STAG1: variants seen among roughly 807,000 people sequenced by gnomAD.
STAG1 encodes the protein STAG1 cohesin complex component, also known as cohesin subunit SA-1.
Under a neutral mutation model 170.9 loss-of-function variants are expected in STAG1, and 26 were observed. The observed-to-expected ratio is 0.15, with a 90% CI of 0.11 to 0.21. STAG1 has a LOEUF of 0.21. Ranked by LOEUF, STAG1 falls within the 10% of genes least tolerant of loss-of-function variation. STAG1 has a pLI of 1.00. For missense variants in STAG1, 964 were observed against 1,509.5 expected (o/e 0.64, Z 5.99); for synonymous variants, 514 against 497.7 (o/e 1.03, Z -0.44).
chr3:136,639,582 T>A (rs1940714024), intron 1 of STAG1, among the ~76,000 whole-genome samples: 1 of 152,198 alleles, frequency 6.6e-6, no homozygotes. Context: ...AAATGTCCTC[T>A]GGCTTAAGAA....
At chr3:136,572,777 A>G (rs1276916639) in intron 4 of STAG1, among the ~76,000 whole-genome samples, 2 of 152,166 alleles carry the variant, frequency 1.3e-5, no homozygotes, top group East Asian at 3.8e-4. Context: ...AATTATTTAT[A>G]TAATAAATGA....
chr3:136,491,707 T>A (rs1337435892), intron 9 of STAG1, among the ~76,000 whole-genome samples: 1 of 152,186 alleles, frequency 6.6e-6, no homozygotes, highest in Non-Finnish European at 1.5e-5. Context: ...AAATCCAATT[T>A]GTTGGCCGGG....
rs369393253 is a variant in STAG1, at chr3:136,629,360, C to CT, written c.29+1509dup. 2.1e-3 allele frequency among the ~76,000 whole-genome samples: 323 copies of CT among 151,960 alleles called. 6 individuals carry two copies. Among genetic ancestry groups the CT allele is most frequent in the Admixed American group, 0.014 (218 of 15,258 alleles). ...TGGAGGCATAAGACCTGAGCTAAGA[C>CT]TTAAATAGATAGTGGCTTGGCCAGG... is the stretch of plus-strand genomic sequence containing the variant. On this transcript the variant is annotated intron_variant, in intron 2 of 33. Coordinates refer to ENST00000383202, the MANE Select transcript of STAG1 (RefSeq NM_005862.3).
intron 1 of STAG1, among the ~76,000 whole-genome samples, chr3:136,680,620 A>G (rs982922180): frequency 6.6e-6 from 1 of 152,186 alleles, no homozygotes; most frequent in Middle Eastern, 3.4e-3. Flanking sequence ...TATTTCATGT[A>G]AAATTATAAA....
At chr3:136,511,884 G>A (rs1934080412) in intron 7 of STAG1, among the ~76,000 whole-genome samples, 1 of 151,928 alleles carries the variant, frequency 6.6e-6, no homozygotes, top group Non-Finnish European at 1.5e-5. Flanking sequence ...ATATTAATAT[G>A]GACAGCAGGA....
chr3:136,508,588 C>T (rs1485124171), intron 7 of STAG1, among the ~76,000 whole-genome samples: 1 of 152,096 alleles, frequency 6.6e-6, no homozygotes, highest in Non-Finnish European at 1.5e-5. Flanking sequence ...CTGGGGAGGC[C>T]GAGGTGGGAG....
intron 4 of STAG1, among the ~76,000 whole-genome samples, chr3:136,573,428 G>C (rs1937340297): frequency 1.3e-5 from 2 of 152,020 alleles, no homozygotes; most frequent in Admixed American, 1.3e-4. Context: ...AGCAACCAAA[G>C]GGTACACACA....
At chr3:136,526,133 T>C (rs1320339440) in intron 6 of STAG1, among the ~76,000 whole-genome samples, 1 of 152,184 alleles carries the variant, frequency 6.6e-6, no homozygotes, top group Non-Finnish European at 1.5e-5. Flanking sequence ...AGAGCTGAGT[T>C]CAATTCCTGG....
chr3:136,690,283 C>A (rs1399317010), intron 1 of STAG1, among the ~76,000 whole-genome samples: 1 of 152,182 alleles, frequency 6.6e-6, no homozygotes, highest in East Asian at 1.9e-4. Flanking sequence ...GTTGCCCAGG[C>A]TGGAGTGCAG....
chr3:136,356,810 TGGCATGATC>T (rs983645455), intron 28 of STAG1, among the ~76,000 whole-genome samples: 3 of 152,108 alleles, frequency 2.0e-5, no homozygotes, highest in Non-Finnish European at 4.4e-5. Context: ...TGGAGTGGAG[TGGCATGATC>T]GCAGCTTACT....
intron 10 of STAG1, 44 bp from the exon 11 acceptor site, chr3:136,473,681 A>G (rs1475919703): frequency 6.9e-7 from 1 of 1,448,894 alleles, no homozygotes; most frequent in Non-Finnish European, 9.6e-7. Context: ...AGTCAATTCC[A>G]TACTACAATT....
At chr3:136,698,933 G>A (rs1459489434) in intron 1 of STAG1, among the ~76,000 whole-genome samples, 1 of 152,160 alleles carries the variant, frequency 6.6e-6, no homozygotes, top group Non-Finnish European at 1.5e-5. Flanking sequence ...GGAGGTAGAG[G>A]CCATTGTTCT....
chr3:136,399,232 T>C (rs1288250814), intron 21 of STAG1, among the ~76,000 whole-genome samples: 1 of 152,208 alleles, frequency 6.6e-6, no homozygotes, highest in Non-Finnish European at 1.5e-5. Flanking sequence ...AGTATTTTAA[T>C]GTGAAAACAG....
intron 22 of STAG1, among the ~76,000 whole-genome samples, chr3:136,383,851 AG>A (rs1384832059): frequency 1.3e-5 from 2 of 149,850 alleles, no homozygotes; most frequent in African/African-American, 4.9e-5. Flanking sequence ...GCTACTCGGG[AG>A]GCTGAGGCAG....
chr3:136,745,063 T>C (rs755611698), intron 1 of STAG1, among the ~76,000 whole-genome samples: 7 of 152,190 alleles, frequency 4.6e-5, no homozygotes, highest in African/African-American at 9.7e-5. Context: ...CTTATTTTCA[T>C]TGTGTGTGGA....
At chr3:136,349,746 G>C (rs992968386) in intron 28 of STAG1, among the ~76,000 whole-genome samples, 3 of 152,180 alleles carry the variant, frequency 2.0e-5, no homozygotes, top group Non-Finnish European at 2.9e-5. Flanking sequence ...AAGGAGGCTG[G>C]CATGCCCTCT....
At position 136,357,707 on chromosome 3, in the gene STAG1, A is replaced by C; in HGVS notation, c.3065+13T>G. 6.4e-7 allele frequency: 1 copy of C among 1,573,464 alleles called. No homozygotes were observed. Among genetic ancestry groups the C allele is most frequent in the Non-Finnish European group, 8.6e-7 (1 of 1,168,938 alleles). ...TATTATAAAAACCACTTCTCTTGTA[A>C]TGTGCAACTTACACTGTCTTTTTGT... On this transcript the variant is annotated intron_variant, in intron 28 of 33. Coordinates refer to ENST00000383202, the MANE Select transcript of STAG1 (RefSeq NM_005862.3).
At chr3:136,430,145 T>C (rs1488258710) in intron 16 of STAG1, 1 of 152,222 alleles carries the variant, frequency 6.6e-6, no homozygotes, top group African/African-American at 2.4e-5. Context: ...CTTCTCTATA[T>C]TGATCCAAAT....
chr3:136,467,008 A>G (rs1433609578), intron 12 of STAG1, among the ~76,000 whole-genome samples: 1 of 152,236 alleles, frequency 6.6e-6, no homozygotes, highest in African/African-American at 2.4e-5. Context: ...AGGAAGCACT[A>G]AACATGGAAA....
Sources: allele counts gnomAD v4.1 joint callset (sites outside exome capture counted in the v4.1 genomes callset), GRCh38; gene constraint gnomAD v4.1.1; transcripts MANE v1.5; gene names NCBI Gene and HGNC (gene_info 2026-07-23, HGNC 2026-07-21).